Variants in TBC1D22A observed in about 807,000 individuals in gnomAD.
The protein encoded by TBC1D22A is putative GTPase activator.
In TBC1D22A, 38 loss-of-function variants were observed where a neutral mutation model predicts 60.2. That is an observed-to-expected ratio of 0.63 (90% CI 0.49 to 0.83). The LOEUF is 0.83. Ranked by LOEUF, TBC1D22A falls within the 40% of genes least tolerant of loss-of-function variation. The probability of loss-of-function intolerance (pLI) is 0.00; values close to 1 mark genes in which losing one functional copy is unlikely to be tolerated. For missense variants in TBC1D22A, 628 were observed against 701.0 expected, an observed-to-expected ratio of 0.90 and a Z score of 1.18; for synonymous variants, 302 against 281.7, an observed-to-expected ratio of 1.07 and a Z score of -0.72.
chr22:47,071,886 A>G (rs1161051141), intron 11 of TBC1D22A, among the ~76,000 whole-genome samples: 1 of 152,166 alleles, frequency 6.6e-6, no homozygotes, highest in Non-Finnish European at 1.5e-5. Flanking sequence ...TTGTGATGAT[A>G]AAACGTGTGG....
chr22:46,890,824 A>G (rs185768451), intron 5 of TBC1D22A, among the ~76,000 whole-genome samples: 49 of 152,008 alleles, frequency 3.2e-4, no homozygotes, highest in African/African-American at 1.1e-3. Flanking sequence ...GCATGCGTGT[A>G]TATGTGTGTG....
intron 11 of TBC1D22A, among the ~76,000 whole-genome samples, chr22:47,074,182 T>C (rs941803758): frequency 1.3e-5 from 2 of 152,228 alleles, no homozygotes; most frequent in Non-Finnish European, 2.9e-5. Flanking sequence ...TCCAAGGCAA[T>C]GAAGCAATGA....
chr22:47,101,214 C>T lies in TBC1D22A; in HGVS notation c.1330-10294C>T, dbSNP rs767535157. ...ATTAATCAGAACCATATTCATCATT[C>T]GAGGGAATCCTAAAATATTCCTGAC... On this transcript the variant is annotated intron_variant, in intron 11 of 12. Transcript: ENST00000337137. 2.6e-4 allele frequency among the ~76,000 whole-genome samples: 40 copies of T among 152,176 alleles called. 1 individual carries two copies. Among genetic ancestry groups the T allele is most frequent in the Non-Finnish European group, 5.1e-4 (35 of 68,042 alleles).
chr22:46,996,854 C>G (rs533728413), intron 9 of TBC1D22A, among the ~76,000 whole-genome samples: 1 of 152,304 alleles, frequency 6.6e-6, no homozygotes, highest in South Asian at 2.1e-4. Flanking sequence ...CCGGTACCTG[C>G]TGTGTCTTGA....
chr22:47,155,041 G>A (rs1164707380), intron 12 of TBC1D22A, among the ~76,000 whole-genome samples: 2 of 152,210 alleles, frequency 1.3e-5, no homozygotes, highest in Non-Finnish European at 2.9e-5. Context: ...GTCTTCACGG[G>A]CTGAAAAAGA....
intron 12 of TBC1D22A, among the ~76,000 whole-genome samples, chr22:47,160,450 G>A (rs908413976): frequency 1.3e-5 from 2 of 152,188 alleles, no homozygotes; most frequent in African/African-American, 4.8e-5. Flanking sequence ...GGTCTTCACA[G>A]GGCCGCCGGT....
chr22:46,819,582 G>A (rs2085742154), intron 4 of TBC1D22A, among the ~76,000 whole-genome samples: 1 of 152,236 alleles, frequency 6.6e-6, no homozygotes, highest in Admixed American at 6.5e-5. Context: ...TCCCAGGGAT[G>A]AAGCCTACCT....
At chr22:46,938,170 C>T (rs190799027) in intron 8 of TBC1D22A, among the ~76,000 whole-genome samples, 45 of 152,336 alleles carry the variant, frequency 3.0e-4, no homozygotes, top group Admixed American at 1.6e-3. Context: ...CAGTCCTGCA[C>T]GCCCCACTCA....
intron 11 of TBC1D22A, among the ~76,000 whole-genome samples, chr22:47,064,277 C>T (rs1463172429): frequency 2.6e-5 from 4 of 152,386 alleles, no homozygotes; most frequent in Middle Eastern, 6.8e-3. Flanking sequence ...CTGCTCAGTT[C>T]CCGGGCAGCG....
chr22:46,792,368 C>A, intron 1 of TBC1D22A, 152 bp from the exon 2 acceptor site: 1 of 982,928 alleles, frequency 1.0e-6, no homozygotes, highest in East Asian at 2.5e-5. Context: ...CTCAGGACCC[C>A]GGGTGGCTGC....
rs568786319 is a variant in TBC1D22A at position 46,973,668 on chromosome 22, C to T, written c.1016-622C>T. The stretch of plus-strand genomic sequence containing the variant: ...ATCTAAAATTAGTTTGTTCAAATAT[C>T]TGATAAGCCATTTCAATTAGGCATC... On this transcript the variant is annotated intron_variant, in intron 8 of 12. Transcript: ENST00000337137. Among the ~76,000 whole-genome samples the T allele has an allele frequency of 1.1e-4, 17 of 152,360 alleles. No individual in the cohort carries two copies. In the East Asian group the frequency reaches 3.1e-3, roughly 28 times the overall value.
intron 4 of TBC1D22A, among the ~76,000 whole-genome samples, chr22:46,804,301 T>C (rs1267059251): frequency 6.6e-6 from 1 of 152,264 alleles, no homozygotes; most frequent in Non-Finnish European, 1.5e-5. Context: ...GTTTCTGTGA[T>C]CATCATTAAC....
chr22:47,124,329 A>C (rs1245910080), intron 12 of TBC1D22A, among the ~76,000 whole-genome samples: 1 of 152,192 alleles, frequency 6.6e-6, no homozygotes, highest in Non-Finnish European at 1.5e-5. Context: ...AGGAGGGAGC[A>C]GAGCTTTCCT....
intron 5 of TBC1D22A, among the ~76,000 whole-genome samples, chr22:46,890,296 C>G (rs1808405483): frequency 6.6e-6 from 1 of 152,084 alleles, no homozygotes; most frequent in Non-Finnish European, 1.5e-5. Context: ...CGAGATCATG[C>G]CACTGCACTC....
intron 11 of TBC1D22A, among the ~76,000 whole-genome samples, chr22:47,045,300 G>A (rs967495889): frequency 6.6e-6 from 1 of 152,148 alleles, no homozygotes; most frequent in South Asian, 2.1e-4. Context: ...CCACGGTCAC[G>A]GCTGCGCTCC....
intron 11 of TBC1D22A, among the ~76,000 whole-genome samples, chr22:47,060,621 G>A (rs1375555309): frequency 5.3e-5 from 8 of 152,132 alleles, no homozygotes; most frequent in African/African-American, 1.7e-4. Context: ...TAATAGAGAC[G>A]GGGTTTTGCT....
chr22:46,887,327 T>C (rs1346951305), intron 5 of TBC1D22A, among the ~76,000 whole-genome samples: 2 of 152,218 alleles, frequency 1.3e-5, no homozygotes, highest in Non-Finnish European at 2.9e-5. Context: ...GTATCAAGTG[T>C]TGGCAAGGAT....
intron 4 of TBC1D22A, among the ~76,000 whole-genome samples, chr22:46,847,921 GTGTGT>G (rs2087082998): frequency 3.9e-5 from 1 of 25,892 alleles, no homozygotes; most frequent in Non-Finnish European, 1.1e-4. Flanking sequence ...CCTAGTGGGT[GTGTGT>G]GTGTGTGTGT....
chr22:46,814,121 C>T (rs1284896316), intron 4 of TBC1D22A, among the ~76,000 whole-genome samples: 1 of 152,216 alleles, frequency 6.6e-6, no homozygotes, highest in Non-Finnish European at 1.5e-5. Flanking sequence ...TATTTACTTA[C>T]ATTCATCTTT....
Sources: gnomAD v4.1 joint callset for allele counts (sites outside exome capture counted in the v4.1 genomes callset) on GRCh38, gnomAD v4.1.1 for gene constraint, MANE v1.5 for transcripts, NCBI Gene and HGNC (gene_info 2026-07-23, HGNC 2026-07-21) for gene names.